Variants in TXK observed in about 807,000 individuals in gnomAD.
The protein encoded by TXK is TXK tyrosine kinase.
In TXK, 60 loss-of-function variants were observed where a neutral mutation model predicts 81.0. That is an observed-to-expected ratio of 0.74 (90% CI 0.60 to 0.92). The LOEUF is 0.92. TXK is among the 40% of genes least tolerant of loss of function. TXK has a pLI of 0.00. For synonymous variants in TXK, 203 were observed against 210.7 expected (o/e 0.96, Z 0.32); for missense variants, 581 against 638.3 (o/e 0.91, Z 0.97).
At chr4:48,134,022 C>T in intron 1 of TXK, 133 bp downstream of exon 1, 1 of 931,976 alleles carries the variant, frequency 1.1e-6, no homozygotes, top group Non-Finnish European at 1.6e-6. Flanking sequence ...AACTCTGTCA[C>T]AACATCTGAG....
At chr4:48,080,380 T>C (rs1239319489) in intron 10 of TXK, among the ~76,000 whole-genome samples, 8 of 152,110 alleles carry the variant, frequency 5.3e-5, no homozygotes. Flanking sequence ...CGCGTAAGCA[T>C]TTTATGTTTC....
chr4:48,114,386 C>T lies in TXK; in HGVS notation c.33G>A (p.Ser11=), dbSNP rs766973579. 21 of 1,613,960 alleles carry T rather than the reference C, an allele frequency of 1.3e-5. No homozygotes were observed. The East Asian group carries it at 2.2e-4, about 17-fold the overall frequency. Residue 11 remains serine, a synonymous_variant, in exon 2 of 15, where the codon TCG becomes TCA. Coordinates refer to ENST00000264316, the MANE Select transcript of TXK (RefSeq NM_003328.3). The part of the protein sequence containing the change: MILSSYNTIQ[S]VFCCCCCCSV... ...AACAGCAACAGCAGCAACAGAAAAC[C>T]GACTGGATGGTGTTATCTGAAAAGC... is the stretch of plus-strand genomic sequence containing the variant.
intron 14 of TXK, among the ~76,000 whole-genome samples, chr4:48,068,133 A>G (rs1716681481): frequency 6.6e-6 from 1 of 152,250 alleles, no homozygotes; most frequent in Non-Finnish European, 1.5e-5. Flanking sequence ...GTTTAAATTC[A>G]GTTACTCAGT....
At chr4:48,098,571 A>C (rs1718070918) in intron 6 of TXK, among the ~76,000 whole-genome samples, 1 of 151,456 alleles carries the variant, frequency 6.6e-6, no homozygotes, top group African/African-American at 2.5e-5. Context: ...ATTCTCAATA[A>C]AATAGGAATG....
rs544027669 is a variant in TXK at position 48,110,311 on chromosome 4, G to A, written c.446+227C>T. 2.0e-5 allele frequency among the ~76,000 whole-genome samples: 3 copies of A among 152,274 alleles called. No individual in the cohort carries two copies. In the East Asian group the frequency reaches 5.8e-4, roughly 29 times the overall value. On this transcript the variant is annotated intron_variant, in intron 5 of 14. Transcript: ENST00000264316. ...GTGCCAGATGAGTGTTTGGGTTCAG[G>A]CTGTCACTGTTAAAACAGAAAAAGT...
chr4:48,132,014 C>T (rs1719257773), intron 1 of TXK, among the ~76,000 whole-genome samples: 1 of 149,252 alleles, frequency 6.7e-6, no homozygotes, highest in Non-Finnish European at 1.5e-5. Context: ...GAGTTATTTT[C>T]AGGTCAGCAC....
chr4:48,074,104 T>C (rs1322120323), intron 12 of TXK, 51 bp from the exon 13 acceptor site: 1 of 1,389,922 alleles, frequency 7.2e-7, no homozygotes, highest in Non-Finnish European at 1.0e-6. Flanking sequence ...CCAAGCTCTA[T>C]TTACTTCAAA....
chr4:48,094,045 C>T, intron 8 of TXK, 32 bp downstream of exon 8: 3 of 1,612,728 alleles, frequency 1.9e-6, no homozygotes, highest in Middle Eastern at 2.0e-4. Context: ...GCATGGCTCC[C>T]TGACTCACCC....
At chr4:48,083,534 A>T (rs949130919) in intron 10 of TXK, among the ~76,000 whole-genome samples, 5 of 152,200 alleles carry the variant, frequency 3.3e-5, no homozygotes, top group Non-Finnish European at 2.9e-5. Flanking sequence ...GTAAACTCTT[A>T]AATTAATTGA....
chr4:48,094,419 T>TTGTCTGAG (rs1238264278), intron 7 of TXK, among the ~76,000 whole-genome samples: 34 of 152,360 alleles, frequency 2.2e-4, no homozygotes, highest in Middle Eastern at 3.4e-3. Flanking sequence ...TCAGCCAAAG[T>TTGTCTGAG]TGTCTGAGTG....
chr4:48,086,192 T>C (rs985726644), intron 10 of TXK, among the ~76,000 whole-genome samples: 2 of 152,254 alleles, frequency 1.3e-5, no homozygotes, highest in African/African-American at 4.8e-5. Flanking sequence ...GGAATTCTCC[T>C]GTCTCATCAC....
Position 48,115,852 on chromosome 4 carries a change from C to CA in TXK, c.17-1451dup, listed in dbSNP as rs551818313. ...CCCTGGTGACAGAGTGAGACTCTGT[C>CA]AAAAAAAAAACATAAATAAATTTTG... On this transcript the variant is annotated intron_variant, in intron 1 of 14. Transcript: ENST00000264316. 9.1e-3 allele frequency among the ~76,000 whole-genome samples: 1,315 copies of CA among 144,334 alleles called. 8 individuals are homozygous for CA. The highest frequency in any genetic ancestry group is 0.017 in the Middle Eastern group (5 of 288). 94.7% of individuals were successfully genotyped at this position (144,334 alleles called of 152,430 possible).
At chr4:48,081,483 T>C (rs1717297737) in intron 10 of TXK, among the ~76,000 whole-genome samples, 1 of 152,218 alleles carries the variant, frequency 6.6e-6, no homozygotes, top group Admixed American at 6.5e-5. Context: ...GACTTCTTAA[T>C]ACACATTATT....
intron 1 of TXK, among the ~76,000 whole-genome samples, chr4:48,120,508 T>C (rs1412878827): frequency 6.6e-6 from 1 of 151,824 alleles, no homozygotes; most frequent in African/African-American, 2.4e-5. Flanking sequence ...TTTTTTTGGT[T>C]GAGACCAAGT....
chr4:48,091,069 T>G (rs982797449), intron 8 of TXK, among the ~76,000 whole-genome samples: 5 of 152,218 alleles, frequency 3.3e-5, no homozygotes, highest in African/African-American at 1.2e-4. Flanking sequence ...GGGAGCTCTA[T>G]CTCAGTGAGA....
chr4:48,092,059 A>G (rs1179700163), intron 8 of TXK, among the ~76,000 whole-genome samples: 1 of 152,206 alleles, frequency 6.6e-6, no homozygotes, highest in Non-Finnish European at 1.5e-5. Flanking sequence ...TCCAACCCCT[A>G]CAAGGGGCTG....
At chr4:48,114,111 C>T (rs997855226) in intron 2 of TXK, among the ~76,000 whole-genome samples, 10 of 152,102 alleles carry the variant, frequency 6.6e-5, no homozygotes, top group Non-Finnish European at 1.3e-4. Context: ...AGAACAATGC[C>T]GCACACGGTG....
intron 5 of TXK, among the ~76,000 whole-genome samples, chr4:48,107,690 G>A (rs1236151379): frequency 6.6e-6 from 1 of 151,866 alleles, no homozygotes; most frequent in African/African-American, 2.4e-5. Context: ...TCTTCTTCCT[G>A]ATGCTCTCCC....
intron 6 of TXK, among the ~76,000 whole-genome samples, chr4:48,101,292 G>GT (rs1188225232): frequency 6.6e-6 from 1 of 152,156 alleles, no homozygotes; most frequent in African/African-American, 2.4e-5. Context: ...CAGTAGTCAT[G>GT]TATCTACCTG....
Sources: gnomAD v4.1 joint callset for allele counts (sites outside exome capture counted in the v4.1 genomes callset) on GRCh38, gnomAD v4.1.1 for gene constraint, MANE v1.5 for transcripts, NCBI Gene and HGNC (gene_info 2026-07-23, HGNC 2026-07-21) for gene names.